Variants in UNC93B1 observed in about 807,000 individuals in gnomAD.
The protein encoded by UNC93B1 is unc-93B1 regulator of TLR signaling.
Under a neutral mutation model 56.8 loss-of-function variants are expected in UNC93B1, and 33 were observed. The ratio of observed to expected loss-of-function variants is 0.58; its 90% CI spans 0.44 to 0.78. The LOEUF is 0.78. Ranked by LOEUF, UNC93B1 falls within the 30% of genes least tolerant of loss-of-function variation. The pLI is 0.00. For missense variants in UNC93B1, 673 were observed against 819.5 expected (o/e 0.82, Z 2.18); for synonymous variants, 334 against 358.6 (o/e 0.93, Z 0.77).
At chr11:68,002,962 G>C in intron 3 of UNC93B1, 60 bp downstream of exon 3, 1 of 1,523,598 alleles carries the variant, frequency 6.6e-7, no homozygotes, top group Non-Finnish European at 8.8e-7. Flanking sequence ...TGGCCCGCCG[G>C]CCTCTGTACC....
chr11:67,996,240 T>G (rs1856945728), intron 8 of UNC93B1, among the ~76,000 whole-genome samples: 1 of 151,194 alleles, frequency 6.6e-6, no homozygotes, highest in Non-Finnish European at 1.5e-5. Context: ...CCACAAGAGG[T>G]GTTCCTTAGG....
chr11:67,999,633 G>T lies in UNC93B1; in HGVS notation c.440C>A (p.Ala147Asp), dbSNP rs779794160. Residue 147 changes from alanine (A) to aspartate (D), a missense_variant, in exon 4 of 11, where the codon GCC becomes GAC. Ala to Asp is a moderately radical substitution (Grantham distance 126). This residue lies in a region of UNC93B1 where 438 missense variants were observed against 465.9 expected (regional missense o/e 0.94). Transcript: ENST00000227471. Reference protein sequence around the residue: ...WMMFLAVGIYALFVSTNYWER... With the variant: ...WMMFLAVGIYDLFVSTNYWER... ...CCAGTAGTTGGTGGAGACAAAGAGG[G>T]CGTAGATGCCCACAGCGAGGAACAT... The T allele has an allele frequency of 1.2e-6, 2 of 1,611,466 alleles. No homozygotes were observed. Among genetic ancestry groups the T allele is most frequent in the African/African-American group, 2.7e-5 (2 of 74,872 alleles).
At position 67,996,601 on chromosome 11, in the gene UNC93B1, C is replaced by T. The variant is rs1856950853; in HGVS notation, c.1089+1G>A. The T allele has an allele frequency of 6.5e-7, 1 of 1,545,300 alleles. No individual in the cohort carries two copies. Among genetic ancestry groups the T allele is most frequent in the Non-Finnish European group, 8.8e-7 (1 of 1,142,192 alleles). ...GGCAATCCTTTGCAGGCTGTACTTA[C>T]CAAGGCGATACCAGTGCAGGCAAAG... On this transcript the variant is annotated splice_donor_variant, in intron 8 of 10. Coordinates refer to ENST00000227471, the MANE Select transcript of UNC93B1 (RefSeq NM_030930.4). LOFTEE classifies it high-confidence loss of function.
chr11:67,993,944 C>A (rs1472522250), intron 9 of UNC93B1, 150 bp from the exon 10 acceptor site: 2 of 679,026 alleles, frequency 2.9e-6, no homozygotes, highest in Admixed American at 4.1e-5. Context: ...GCGGTCCTGG[C>A]CTGCCCCCTG....
At chr11:67,999,350 C>T (rs762950661) in intron 4 of UNC93B1, 45 bp from the exon 5 acceptor site, 2 of 1,578,886 alleles carry the variant, frequency 1.3e-6, no homozygotes, top group Non-Finnish European at 1.7e-6. Flanking sequence ...CGACCTGTGC[C>T]ACTCCTGTGT....
Position 67,993,767 on chromosome 11 carries a change from T to A in UNC93B1, c.1391A>T (p.Lys464Met), listed in dbSNP as rs2134356860. Reference protein sequence around the residue: ...STLLGILYEDKERQDFIFTIY... With the variant: ...STLLGILYEDMERQDFIFTIY... ...GGTGAAGATGAAGTCCTGTCTCTCC[T>A]TGTCTTCGTACAAGATTCCCAGGAG... Residue 464 changes from lysine (K) to methionine (M), a missense_variant, in exon 10 of 11, where the codon AAG becomes ATG. By Grantham distance (95) the Lys-to-Met change is moderately conservative. This residue lies in a region of UNC93B1 where 155 missense variants were observed against 268.3 expected (regional missense o/e 0.58). Coordinates refer to ENST00000227471, the MANE Select transcript of UNC93B1 (RefSeq NM_030930.4). 1 of 1,211,380 alleles carries A rather than the reference T, an allele frequency of 8.3e-7. No homozygotes were observed. The highest frequency in any genetic ancestry group is 2.7e-4 in the Middle Eastern group (1 of 3,744). 75.0% of individuals were successfully genotyped at this position (1,211,380 alleles called of 1,614,324 possible).
chr11:67,993,119 G>A (rs1590758333), intron 10 of UNC93B1, among the ~76,000 whole-genome samples: 2 of 152,270 alleles, frequency 1.3e-5, no homozygotes, highest in South Asian at 4.1e-4. Flanking sequence ...CTCCTGAGTA[G>A]CTGTGATTAC....
At chr11:67,995,063 C>A (rs1856911780) in intron 9 of UNC93B1, among the ~76,000 whole-genome samples, 1 of 152,206 alleles carries the variant, frequency 6.6e-6, no homozygotes, top group Non-Finnish European at 1.5e-5. Context: ...CCTCTCTATA[C>A]AAAGGCCCAT....
At chr11:67,997,309 G>A (rs529400710) in intron 7 of UNC93B1, among the ~76,000 whole-genome samples, 1 of 152,278 alleles carries the variant, frequency 6.6e-6, no homozygotes, top group East Asian at 1.9e-4. Flanking sequence ...CTTCCAGTTT[G>A]AGCCACACCT....
intron 9 of UNC93B1, among the ~76,000 whole-genome samples, chr11:67,994,265 G>A (rs1856898128): frequency 6.6e-6 from 1 of 152,334 alleles, no homozygotes; most frequent in South Asian, 2.1e-4. Flanking sequence ...TGGGCAACAA[G>A]AGTAATGGAT....
In UNC93B1 at chr11:68,003,864, C is replaced by A. The variant is rs1284308741; in HGVS notation, c.97-66G>T. Reference sequence around the variant, plus strand: ...CGAACCCGTGTCCCCCGGTGCCCGCCGCCCCCCGGCCCGCCCCGCCCCCGC... The same window carrying A: ...CGAACCCGTGTCCCCCGGTGCCCGCAGCCCCCCGGCCCGCCCCGCCCCCGC... On this transcript the variant is annotated intron_variant, in intron 1 of 10. Coordinates refer to ENST00000227471, the MANE Select transcript of UNC93B1 (RefSeq NM_030930.4). The surrounding 1 kb of genome is among the most constrained non-coding windows in gnomAD (Gnocchi z 4.4). The A allele has an allele frequency of 7.6e-7, 1 of 1,314,574 alleles. No individual in the cohort carries two copies. Among genetic ancestry groups the A allele is most frequent in the South Asian group, 2.1e-5 (1 of 46,822 alleles). The allele number at this position is 1,314,574 out of a possible 1,614,324, so 81.4% of individuals were successfully genotyped here.
chr11:67,997,137 C>T (rs1024160382), intron 7 of UNC93B1, among the ~76,000 whole-genome samples: 1 of 152,056 alleles, frequency 6.6e-6, no homozygotes, highest in African/African-American at 2.4e-5. Flanking sequence ...GACCTCAGCC[C>T]CGCCTTCCAG....
chr11:67,998,785 T>A (rs1856995156), intron 5 of UNC93B1, among the ~76,000 whole-genome samples: 1 of 152,136 alleles, frequency 6.6e-6, no homozygotes, highest in African/African-American at 2.4e-5. Flanking sequence ...TGATGCCAGC[T>A]ACTCAGAAGG....
chr11:67,991,806 G>A lies in UNC93B1; in HGVS notation c.1534C>T (p.Leu512=). Residue 512 remains leucine (L), a synonymous_variant, in exon 11 of 11, where the codon CTG becomes TTG. Transcript: ENST00000227471. Reference sequence around the variant, plus strand: ...CGGCGCAGCTTCTGCTCCATCCGCAGGTAGGAGACCGCGGCCGCCACCAGC... The same window carrying A: ...CGGCGCAGCTTCTGCTCCATCCGCAAGTAGGAGACCGCGGCCGCCACCAGC... The part of the protein sequence containing the change: ...VTLVAAAVSY[L]RMEQKLRRGV... The A allele has an allele frequency of 6.4e-7, 1 of 1,556,876 alleles. No individual in the cohort carries two copies.
intron 8 of UNC93B1, among the ~76,000 whole-genome samples, chr11:67,996,266 C>G (rs1363847995): frequency 6.6e-6 from 1 of 152,020 alleles, no homozygotes; most frequent in Non-Finnish European, 1.5e-5. Flanking sequence ...CCCTGCCCTC[C>G]CTGGACTGCC....
chr11:67,999,109 T>C, intron 5 of UNC93B1, 64 bp downstream of exon 5: 6 of 1,601,936 alleles, frequency 3.7e-6, no homozygotes, highest in Non-Finnish European at 4.3e-6. Flanking sequence ...GGGTTGAGAC[T>C]GTGGATGGGC....
In UNC93B1 at chr11:68,003,573, C is replaced by T; in HGVS notation, c.238+84G>A. On this transcript the variant is annotated intron_variant, in intron 2 of 10. Transcript: ENST00000227471. The surrounding 1 kb of genome is among the most constrained non-coding windows in gnomAD (Gnocchi z 4.4). ...GCAGCGGAGGGGAAGTGAGAGCGGG[C>T]GGGAGGCGGCGGCCCGCGGTTTCTG... 5 of 1,458,180 alleles carry T rather than the reference C, an allele frequency of 3.4e-6. No individual in the cohort carries two copies. The highest frequency in any genetic ancestry group is 4.5e-6 in the Non-Finnish European group (5 of 1,107,186). 90.3% of individuals were successfully genotyped at this position (1,458,180 alleles called of 1,614,324 possible).
intron 8 of UNC93B1, 128 bp downstream of exon 8, chr11:67,996,473 AG>A: frequency 8.0e-7 from 1 of 1,256,400 alleles, no homozygotes; most frequent in African/African-American, 1.5e-5. Flanking sequence ...AGAAAGCAGG[AG>A]GGGGATATTT....
At chr11:68,001,522 G>C (rs892577186) in intron 3 of UNC93B1, among the ~76,000 whole-genome samples, 1 of 152,086 alleles carries the variant, frequency 6.6e-6, no homozygotes, top group Non-Finnish European at 1.5e-5. Context: ...GATGGCGTGC[G>C]CCTGTAGGCC....
Sources: allele counts gnomAD v4.1 joint callset (sites outside exome capture counted in the v4.1 genomes callset), GRCh38; gene constraint gnomAD v4.1.1; regional missense constraint gnomAD v4.1.1; non-coding constraint Gnocchi (gnomAD v3.1); transcripts MANE v1.5; gene names NCBI Gene and HGNC (gene_info 2026-07-23, HGNC 2026-07-21).